MRRF: variants seen among roughly 807,000 people sequenced by gnomAD.
The protein encoded by MRRF is mitochondrial ribosome recycling factor.
MRRF carries 18 observed loss-of-function variants against 25.1 expected under a neutral mutation model. The observed-to-expected ratio is 0.72, with a 90% CI of 0.50 to 1.06. MRRF has a LOEUF of 1.06. Among genes scored for constraint, MRRF ranks in the 50% least tolerant of loss-of-function variants. The pLI, the probability that MRRF is intolerant of heterozygous loss-of-function variation, is 0.00. For missense variants in MRRF, 323 were observed against 319.3 expected, an observed-to-expected ratio of 1.01 and a Z score of -0.09; for synonymous variants, 113 against 112.1, an observed-to-expected ratio of 1.01 and a Z score of -0.05.
At chr9:122,306,752 G>A (rs770901482) in intron 5 of MRRF, among the ~76,000 whole-genome samples, 42 of 152,162 alleles carry the variant, frequency 2.8e-4, no homozygotes, top group Admixed American at 5.9e-4. Context: ...CTTCTGTGGC[G>A]ACAGGGAAAG....
intron 5 of MRRF, among the ~76,000 whole-genome samples, chr9:122,305,380 C>G (rs1026774487): frequency 2.0e-5 from 3 of 150,102 alleles, no homozygotes; most frequent in Non-Finnish European, 4.4e-5. Flanking sequence ...CCACTACACT[C>G]CAGCCTGGGA....
At chr9:122,286,294 A>G in intron 4 of MRRF, 5 of 944,466 alleles carry the variant, frequency 5.3e-6, no homozygotes, top group Non-Finnish European at 7.1e-6. Flanking sequence ...CCTTGCTGTG[A>G]ACACACTGTT....
At chr9:122,312,610 T>A (rs113409946) in intron 5 of MRRF, among the ~76,000 whole-genome samples, 1 of 152,216 alleles carries the variant, frequency 6.6e-6, no homozygotes, top group Admixed American at 6.5e-5. Context: ...AGAGGAATGC[T>A]GTCATACTAA....
At chr9:122,297,887 TTAGGA>T (rs1834194032) in intron 5 of MRRF, among the ~76,000 whole-genome samples, 1 of 152,200 alleles carries the variant, frequency 6.6e-6, no homozygotes, top group Non-Finnish European at 1.5e-5. Context: ...TGTGGTTCTT[TTAGGA>T]AACCCGATTG....
intron 6 of MRRF, among the ~76,000 whole-genome samples, chr9:122,315,081 C>G (rs1473374443): frequency 6.8e-6 from 1 of 147,364 alleles, no homozygotes; most frequent in Non-Finnish European, 1.5e-5. Flanking sequence ...CCACAACAGT[C>G]ACCTGGGGGG....
At chr9:122,315,087 G>A (rs770493336) in intron 6 of MRRF, among the ~76,000 whole-genome samples, 1 of 112,946 alleles carries the variant, frequency 8.9e-6, no homozygotes, top group East Asian at 3.2e-4. Context: ...CAGTCACCTG[G>A]GGGGGGGAAT....
At chr9:122,320,424 A>G (rs1413186699) in intron 6 of MRRF, among the ~76,000 whole-genome samples, 2 of 152,168 alleles carry the variant, frequency 1.3e-5, no homozygotes, top group East Asian at 1.9e-4. Context: ...CCTGTCCCCA[A>G]ACTACCCTCA....
At chr9:122,314,450 A>G (rs1267651194) in intron 6 of MRRF, among the ~76,000 whole-genome samples, 2 of 152,186 alleles carry the variant, frequency 1.3e-5, no homozygotes, top group African/African-American at 4.8e-5. Flanking sequence ...AAATATATAT[A>G]TTTATGGAGG....
intron 5 of MRRF, among the ~76,000 whole-genome samples, chr9:122,303,761 T>A (rs1834628809): frequency 6.6e-6 from 1 of 152,210 alleles, no homozygotes; most frequent in Non-Finnish European, 1.5e-5. Context: ...AACTTGCTCA[T>A]GGTCATAGAT....
intron 5 of MRRF, among the ~76,000 whole-genome samples, chr9:122,302,680 G>GT (rs1834549222): frequency 6.6e-6 from 1 of 152,166 alleles, no homozygotes; most frequent in Non-Finnish European, 1.5e-5. Flanking sequence ...TATTGTGCAA[G>GT]TTTTTTGTGT....
intron 3 of MRRF, among the ~76,000 whole-genome samples, chr9:122,283,095 T>A (rs1833177879): frequency 6.7e-6 from 1 of 150,224 alleles, no homozygotes; most frequent in Non-Finnish European, 1.5e-5. Context: ...AAGTACAATT[T>A]TTTTTTTTTT....
At chr9:122,307,786 C>T (rs1460455399) in intron 5 of MRRF, among the ~76,000 whole-genome samples, 4 of 152,106 alleles carry the variant, frequency 2.6e-5, no homozygotes, top group African/African-American at 9.7e-5. Flanking sequence ...GGCCCTAAAC[C>T]GTGTCCTTTC....
intron 5 of MRRF, among the ~76,000 whole-genome samples, chr9:122,309,059 C>G (rs1180668756): frequency 2.0e-5 from 3 of 152,282 alleles, no homozygotes. Flanking sequence ...TCCCCCAGCC[C>G]CTGGTAACTA....
intron 5 of MRRF, among the ~76,000 whole-genome samples, chr9:122,292,850 A>T (rs1564492034): frequency 6.6e-6 from 1 of 152,208 alleles, no homozygotes; most frequent in Non-Finnish European, 1.5e-5. Context: ...ACAGCAAAAG[A>T]TTTAAATCCC....
At position 122,328,366 on chromosome 9, in the gene MRRF, G is replaced by A. The variant is rs1012641574; in HGVS notation, c.*5749G>A. On this transcript the variant is annotated 3_prime_UTR_variant, in exon 7 of 7. Transcript: ENST00000344641. ...GAACTCTTTACCATGCAGAACTGAC[G>A]CTCTATACCCATTACACAACCCCAG... The A allele has an allele frequency of 6.6e-6, 1 of 152,110 alleles. No individual in the cohort carries two copies. Among genetic ancestry groups the A allele is most frequent in the Non-Finnish European group, 1.5e-5 (1 of 68,042 alleles). 9.4% of individuals were successfully genotyped at this position (152,110 alleles called of 1,614,324 possible).
intron 5 of MRRF, among the ~76,000 whole-genome samples, chr9:122,309,136 A>G (rs73557039): frequency 0.016 from 2,401 of 152,194 alleles, 61 homozygotes; most frequent in African/African-American, 0.05. Flanking sequence ...GAATCATACA[A>G]TATGTGTCTC....
rs1332864481 is a variant in MRRF, at chr9:122,326,352, C to T, written c.*3735C>T. ...GTCTTGAACTCCTGACTCAGGTGAT[C>T]CACCTGTCTCAGCCTCCCAAATTGC... On this transcript the variant is annotated 3_prime_UTR_variant, in exon 7 of 7. Coordinates refer to ENST00000344641, the MANE Select transcript of MRRF (RefSeq NM_138777.5). 1.3e-5 allele frequency: 2 copies of T among 151,964 alleles called. No individual in the cohort carries two copies. Among genetic ancestry groups the T allele is most frequent in the Non-Finnish European group, 2.9e-5 (2 of 68,002 alleles). The allele number at this position is 151,964 out of a possible 1,614,324, so 9.4% of individuals were successfully genotyped here. A position where few individuals can be genotyped will look rare whatever the true frequency, so the allele number is the denominator to read the frequency against.
At chr9:122,285,893 T>C in intron 4 of MRRF, 1 of 1,292,452 alleles carries the variant, frequency 7.7e-7, no homozygotes, top group Non-Finnish European at 1.0e-6. Flanking sequence ...CCTTTTATAC[T>C]AGACTGACCA....
At chr9:122,306,981 A>G (rs1834887026) in intron 5 of MRRF, among the ~76,000 whole-genome samples, 1 of 152,216 alleles carries the variant, frequency 6.6e-6, no homozygotes, top group Non-Finnish European at 1.5e-5. Flanking sequence ...TCCAAAATGT[A>G]TGATTTCCTT....
Sources: gnomAD v4.1 joint callset for allele counts (sites outside exome capture counted in the v4.1 genomes callset) on GRCh38, gnomAD v4.1.1 for gene constraint, MANE v1.5 for transcripts, NCBI Gene and HGNC (gene_info 2026-07-23, HGNC 2026-07-21) for gene names.